The following LRBA variants were observed in gnomAD, a reference collection of about 807,000 sequenced individuals.
LRBA encodes lipopolysaccharide-responsive and beige-like anchor protein.
Under a neutral mutation model 330.0 loss-of-function variants are expected in LRBA, and 176 were observed. That is an observed-to-expected ratio of 0.53 (90% CI 0.47 to 0.60). LRBA has a LOEUF of 0.60. LRBA is among the 20% of genes least tolerant of loss of function. The pLI is 0.00. For missense variants in LRBA, 3,259 were observed against 3,444.8 expected, an observed-to-expected ratio of 0.95 and a Z score of 1.35; for synonymous variants, 1,230 against 1,193.0, an observed-to-expected ratio of 1.03 and a Z score of -0.64.
intron 47 of LRBA, among the ~76,000 whole-genome samples, chr4:150,389,551 A>T (rs1561106636): frequency 6.6e-6 from 1 of 151,716 alleles, no homozygotes. Context: ...TCTACTAAAA[A>T]TACAAAAATT....
chr4:150,460,424 T>A (rs1754625302), intron 44 of LRBA, among the ~76,000 whole-genome samples: 2 of 151,836 alleles, frequency 1.3e-5, no homozygotes, highest in African/African-American at 4.8e-5. Context: ...TCACTATGGT[T>A]CTGTCACTCA....
intron 46 of LRBA, among the ~76,000 whole-genome samples, chr4:150,431,891 T>TA (rs552450544): frequency 1.4e-4 from 21 of 152,186 alleles, no homozygotes; most frequent in Non-Finnish European, 2.8e-4. Context: ...TTAAAAACAG[T>TA]AAATTATGCT....
chr4:150,409,315 T>C (rs548160383), intron 47 of LRBA, among the ~76,000 whole-genome samples: 11 of 152,128 alleles, frequency 7.2e-5, no homozygotes, highest in African/African-American at 2.4e-4. Context: ...TGTGAGACAA[T>C]AAATTTCTGT....
At chr4:150,831,760 AAAGT>A (rs1354752477) in intron 29 of LRBA, 53 bp downstream of exon 29, 22 of 1,349,868 alleles carry the variant, frequency 1.6e-5, no homozygotes, top group Non-Finnish European at 2.2e-5. Context: ...TTAACCATCA[AAAGT>A]AAGTAACATT....
At chr4:150,442,743 C>T (rs977348444) in intron 44 of LRBA, among the ~76,000 whole-genome samples, 1 of 152,084 alleles carries the variant, frequency 6.6e-6, no homozygotes, top group Admixed American at 6.6e-5. Context: ...TTCTTCTATG[C>T]TATAAAAATG....
intron 35 of LRBA, among the ~76,000 whole-genome samples, chr4:150,761,448 A>G (rs1168985613): frequency 1.3e-5 from 2 of 152,078 alleles, no homozygotes; most frequent in Non-Finnish European, 2.9e-5. Context: ...ATCTAATTCT[A>G]ATTATTGGCT....
chr4:150,518,295 T>C (rs1362660239), intron 40 of LRBA, among the ~76,000 whole-genome samples: 1 of 152,188 alleles, frequency 6.6e-6, no homozygotes, highest in Non-Finnish European at 1.5e-5. Context: ...AAAGGAAAGA[T>C]CCATGTCCCA....
At chr4:150,271,372 T>C (rs578044882) in intron 56 of LRBA, among the ~76,000 whole-genome samples, 18 of 152,064 alleles carry the variant, frequency 1.2e-4, no homozygotes, top group African/African-American at 3.9e-4. Context: ...CAGAACCGTT[T>C]ACTCCCCTGG....
In LRBA at chr4:150,912,250, C is replaced by T. The variant is rs1368001635; in HGVS notation, c.1161+1945G>A. On this transcript the variant is annotated intron_variant, in intron 9 of 56. Coordinates refer to ENST00000651943, the MANE Select transcript of LRBA (RefSeq NM_001364905.1). ...CAGCAAGAAGTGAGCGGTGGGCAAG[C>T]AAGCAAAGCTTCATCTGTATTTACA... Among the ~76,000 whole-genome samples, 11 of 152,262 alleles carry T rather than the reference C, an allele frequency of 7.2e-5. No homozygotes were observed. In the East Asian group the frequency reaches 1.9e-3, roughly 27 times the overall value.
At chr4:150,921,929 T>C (rs1206746610) in intron 4 of LRBA, among the ~76,000 whole-genome samples, 1 of 152,232 alleles carries the variant, frequency 6.6e-6, no homozygotes, top group Non-Finnish European at 1.5e-5. Flanking sequence ...TTTCTCCATG[T>C]TGGTCAGGCT....
At chr4:150,926,908 T>C (rs1477120253) in intron 4 of LRBA, among the ~76,000 whole-genome samples, 1 of 151,098 alleles carries the variant, frequency 6.6e-6, no homozygotes, top group African/African-American at 2.4e-5. Flanking sequence ...CTGTCTCTAC[T>C]AAAAATAGAA....
chr4:150,283,916 C>G (rs1206517197), intron 54 of LRBA, among the ~76,000 whole-genome samples: 1 of 152,218 alleles, frequency 6.6e-6, no homozygotes, highest in Non-Finnish European at 1.5e-5. Context: ...CCCACACAGA[C>G]AGCAAACTGT....
chr4:150,492,175 G>GAAA (rs34558110), intron 40 of LRBA, among the ~76,000 whole-genome samples: 20 of 135,444 alleles, frequency 1.5e-4, no homozygotes, highest in South Asian at 2.3e-4. Flanking sequence ...TAGTTTTTTT[G>GAAA]AAAAAAAAAA....
chr4:150,431,346 C>T (rs1750349383), intron 46 of LRBA, among the ~76,000 whole-genome samples: 1 of 152,080 alleles, frequency 6.6e-6, no homozygotes, highest in South Asian at 2.1e-4. Context: ...ACATCAGAAA[C>T]ATCATTGTTC....
rs147351811 is a variant in LRBA at position 150,901,336 on chromosome 4, A to C, written c.1756-1119T>G. Reference sequence around the variant, plus strand: ...TTTTCAGTGAAATTATGGGTCTGAAACTCATCAACTATAATCCATTACTTA... The same window carrying C: ...TTTTCAGTGAAATTATGGGTCTGAACCTCATCAACTATAATCCATTACTTA... On this transcript the variant is annotated intron_variant, in intron 13 of 56. Coordinates refer to ENST00000651943, the MANE Select transcript of LRBA (RefSeq NM_001364905.1). 2.6e-4 allele frequency among the ~76,000 whole-genome samples: 40 copies of C among 152,182 alleles called. No individual in the cohort carries two copies. The East Asian group carries it at 7.5e-3, about 29-fold the overall frequency.
At chr4:150,902,950 T>G in intron 13 of LRBA, among the ~76,000 whole-genome samples, 1 of 152,148 alleles carries the variant, frequency 6.6e-6, no homozygotes, top group East Asian at 1.9e-4. Flanking sequence ...ACTGAGGATA[T>G]TTCCATTTTT....
At chr4:150,519,313 T>C (rs1308730863) in intron 40 of LRBA, among the ~76,000 whole-genome samples, 1 of 152,124 alleles carries the variant, frequency 6.6e-6, no homozygotes, top group Non-Finnish European at 1.5e-5. Flanking sequence ...GTAATCACCA[T>C]CCTATTATAA....
intron 40 of LRBA, among the ~76,000 whole-genome samples, chr4:150,540,367 G>A (rs974251183): frequency 1.3e-5 from 2 of 152,130 alleles, no homozygotes; most frequent in Non-Finnish European, 2.9e-5. Context: ...GCTAATTTTT[G>A]TATTTTTAGC....
At chr4:150,337,103 G>C (rs530495336) in intron 48 of LRBA, among the ~76,000 whole-genome samples, 1 of 152,230 alleles carries the variant, frequency 6.6e-6, no homozygotes, top group East Asian at 1.9e-4. Flanking sequence ...ACAATATCCA[G>C]AGAGTTAATT....
Sources: gnomAD v4.1 joint callset for allele counts (sites outside exome capture counted in the v4.1 genomes callset) on GRCh38, gnomAD v4.1.1 for gene constraint, MANE v1.5 for transcripts, NCBI Gene and HGNC (gene_info 2026-07-23, HGNC 2026-07-21) for gene names.